The following SPAG16 variants were observed in gnomAD, a reference collection of about 807,000 sequenced individuals.
The protein encoded by SPAG16 is sperm-associated antigen 16 protein.
SPAG16 carries 86 observed loss-of-function variants against 80.4 expected under a neutral mutation model. The observed-to-expected ratio is 1.07, with a 90% CI of 0.90 to 1.28. SPAG16 has a LOEUF of 1.28. Ranked by LOEUF, SPAG16 falls within the 50% of genes most tolerant of loss-of-function variation. The pLI, the probability that SPAG16 is intolerant of heterozygous loss-of-function variation, is 0.00. For synonymous variants in SPAG16, 294 were observed against 265.9 expected, an observed-to-expected ratio of 1.11 and a Z score of -1.03; for missense variants, 870 against 765.3, an observed-to-expected ratio of 1.14 and a Z score of -1.61.
chr2:214,339,546 G>C (rs942524184), intron 15 of SPAG16, among the ~76,000 whole-genome samples: 1 of 152,268 alleles, frequency 6.6e-6, no homozygotes, highest in South Asian at 2.1e-4. Flanking sequence ...TTTGTTGTAA[G>C]GGAGCTTCTC....
chr2:214,197,327 T>C lies in SPAG16; in HGVS notation c.1720+48061T>C, dbSNP rs140030705. Reference sequence around the variant, plus strand: ...TGCTTACTGAGTTTATATTCCCATTTTGGCGTTAATATCATTTTTAAAGGC... The same window carrying C: ...TGCTTACTGAGTTTATATTCCCATTCTGGCGTTAATATCATTTTTAAAGGC... On this transcript the variant is annotated intron_variant, in intron 15 of 15. Transcript: ENST00000331683. Among the ~76,000 whole-genome samples, 341 of 152,160 alleles carry C rather than the reference T, an allele frequency of 2.2e-3. 2 individuals are homozygous for C. The highest frequency in any genetic ancestry group is 7.7e-3 in the African/African-American group (322 of 41,574).
At chr2:213,493,831 A>G (rs2074366697) in intron 10 of SPAG16, among the ~76,000 whole-genome samples, 1 of 152,126 alleles carries the variant, frequency 6.6e-6, no homozygotes, top group African/African-American at 2.4e-5. Flanking sequence ...CTCCCCATCA[A>G]ACCTATGCTG....
chr2:214,170,653 G>C (rs1366249803), intron 15 of SPAG16, among the ~76,000 whole-genome samples: 1 of 152,002 alleles, frequency 6.6e-6, no homozygotes, highest in Non-Finnish European at 1.5e-5. Context: ...CTATCTTCAG[G>C]ATATCGCAAG....
chr2:214,095,764 G>A (rs1006929056), intron 13 of SPAG16, among the ~76,000 whole-genome samples: 19 of 151,344 alleles, frequency 1.3e-4, no homozygotes, highest in Non-Finnish European at 2.4e-4. Context: ...AAAAAGTTTT[G>A]GAGATCTGTT....
intron 10 of SPAG16, among the ~76,000 whole-genome samples, chr2:213,556,826 G>A (rs982393205): frequency 2.0e-5 from 3 of 152,104 alleles, no homozygotes; most frequent in African/African-American, 7.2e-5. Context: ...ACATTCCCCA[G>A]GATAGATCAT....
At chr2:213,820,359 T>C (rs2072865165) in intron 10 of SPAG16, among the ~76,000 whole-genome samples, 1 of 152,150 alleles carries the variant, frequency 6.6e-6, no homozygotes. Context: ...GTAACCTTTT[T>C]TTTGTGTGTG....
chr2:213,728,474 T>A (rs2066874257), intron 10 of SPAG16, among the ~76,000 whole-genome samples: 1 of 152,168 alleles, frequency 6.6e-6, no homozygotes, highest in Non-Finnish European at 1.5e-5. Flanking sequence ...TAAATCTGTG[T>A]TCAGGAGGAA....
intron 14 of SPAG16, among the ~76,000 whole-genome samples, chr2:214,145,962 C>T (rs1433940543): frequency 6.6e-6 from 1 of 152,116 alleles, no homozygotes; most frequent in Non-Finnish European, 1.5e-5. Context: ...TCAATCTGAG[C>T]TTTCTGCACA....
chr2:213,633,697 G>T (rs1474093334), intron 10 of SPAG16, among the ~76,000 whole-genome samples: 3 of 151,836 alleles, frequency 2.0e-5, no homozygotes, highest in Non-Finnish European at 1.5e-5. Context: ...TATATATTTG[G>T]GTGCTCCACT....
intron 13 of SPAG16, among the ~76,000 whole-genome samples, chr2:214,038,218 GCAGT>G (rs977655095): frequency 2.0e-4 from 31 of 152,098 alleles, no homozygotes; most frequent in African/African-American, 7.0e-4. Flanking sequence ...TTTTGTTCTA[GCAGT>G]CAATTTTTAA....
intron 15 of SPAG16, among the ~76,000 whole-genome samples, chr2:214,175,300 GAAAT>G: frequency 1.5e-5 from 1 of 68,346 alleles, no homozygotes; most frequent in Non-Finnish European, 4.6e-5. Context: ...TATATATAAA[GAAAT>G]ATATATATAA....
intron 13 of SPAG16, among the ~76,000 whole-genome samples, chr2:214,027,481 T>C (rs192466972): frequency 2.0e-5 from 3 of 151,714 alleles, no homozygotes; most frequent in Non-Finnish European, 4.4e-5. Context: ...TTTTTTCACA[T>C]TTGTCAGTTC....
chr2:213,690,634 C>T (rs564455908), intron 10 of SPAG16, among the ~76,000 whole-genome samples: 1 of 152,260 alleles, frequency 6.6e-6, no homozygotes, highest in Non-Finnish European at 1.5e-5. Flanking sequence ...GTGGGTGGCA[C>T]CAACCATTTG....
intron 8 of SPAG16, among the ~76,000 whole-genome samples, chr2:213,366,933 C>A (rs2066329531): frequency 6.6e-6 from 1 of 152,070 alleles, no homozygotes; most frequent in Admixed American, 6.5e-5. Flanking sequence ...GGTATCCCTC[C>A]CCATTCCCCC....
chr2:213,832,927 C>A (rs2073758601), intron 10 of SPAG16, among the ~76,000 whole-genome samples: 1 of 151,972 alleles, frequency 6.6e-6, no homozygotes, highest in Non-Finnish European at 1.5e-5. Flanking sequence ...ACCATTCCAC[C>A]TCTACACTAT....
At chr2:213,608,646 G>T (rs540627571) in intron 10 of SPAG16, among the ~76,000 whole-genome samples, 1 of 152,350 alleles carries the variant, frequency 6.6e-6, no homozygotes, top group Non-Finnish European at 1.5e-5. Context: ...GTGTGTATGT[G>T]TCTTTATAGC....
At chr2:213,949,230 G>A (rs951469939) in intron 12 of SPAG16, among the ~76,000 whole-genome samples, 4 of 123,186 alleles carry the variant, frequency 3.2e-5, no homozygotes, top group African/African-American at 6.0e-5. Context: ...GAGTGCAGTG[G>A]TGTGATCTCG....
chr2:213,721,400 A>G (rs1433681951), intron 10 of SPAG16, among the ~76,000 whole-genome samples: 2 of 152,240 alleles, frequency 1.3e-5, no homozygotes, highest in Non-Finnish European at 2.9e-5. Flanking sequence ...CGCCTGGCCT[A>G]TAATTCCAAT....
Position 213,728,876 on chromosome 2 carries a change from C to CAAAAAAAAAAAAAAAAAAAAAA in SPAG16, c.1071-133585_1071-133564dup, listed in dbSNP as rs58070679. ...TGGGCGACAGAGTGAGACTCCGTCT[C>CAAAAAAAAAAAAAAAAAAAAAA]AAAAAAAAAAAAAAAAAAAAAAAAA... On this transcript the variant is annotated intron_variant, in intron 10 of 15. Coordinates refer to ENST00000331683, the MANE Select transcript of SPAG16 (RefSeq NM_024532.5). Among the ~76,000 whole-genome samples the CAAAAAAAAAAAAAAAAAAAAAA allele has an allele frequency of 5.8e-4, 34 of 58,456 alleles. 2 individuals carry two copies. Among genetic ancestry groups the CAAAAAAAAAAAAAAAAAAAAAA allele is most frequent in the South Asian group, 7.9e-4 (1 of 1,268 alleles). The allele number at this position is 58,456 out of a possible 152,430, so 38.3% of individuals were successfully genotyped here.
Sources: allele counts gnomAD v4.1 joint callset (sites outside exome capture counted in the v4.1 genomes callset), GRCh38; gene constraint gnomAD v4.1.1; transcripts MANE v1.5; gene names NCBI Gene and HGNC (gene_info 2026-07-23, HGNC 2026-07-21).